Variants in CD109 observed in about 807,000 individuals in gnomAD.
CD109 encodes the protein CD109 molecule.
A neutral mutation model predicts 165.8 loss-of-function variants in CD109; 149 were observed. The ratio of observed to expected loss-of-function variants is 0.90; its 90% CI spans 0.79 to 1.03. The LOEUF (loss-of-function observed/expected upper bound fraction) is 1.03, where lower values mean the gene tolerates loss of function less well. Ranked by LOEUF, CD109 falls within the 50% of genes least tolerant of loss-of-function variation. CD109 has a pLI of 0.00. For synonymous variants in CD109, 585 were observed against 592.1 expected (o/e 0.99, Z 0.18); for missense variants, 1,712 against 1,677.8 (o/e 1.02, Z -0.36).
At chr6:73,786,421 G>T (rs1285751378) in intron 20 of CD109, among the ~76,000 whole-genome samples, 1 of 150,956 alleles carries the variant, frequency 6.6e-6, no homozygotes, top group African/African-American at 2.4e-5. Context: ...GCTTTTTATT[G>T]GCATATTTGG....
In CD109 at chr6:73,825,008, T is replaced by A. The variant is rs1169313581; in HGVS notation, c.*1375T>A. ...CATGGGCTCCAAAGAATTTGCTTTATGTTTTTAGCTATTTAAAAATAAATC... is the reference window on the plus strand; with the variant it reads ...CATGGGCTCCAAAGAATTTGCTTTAAGTTTTTAGCTATTTAAAAATAAATC... On this transcript the variant is annotated 3_prime_UTR_variant, in exon 33 of 33. Transcript: ENST00000287097. 6.6e-6 allele frequency: 1 copy of A among 152,244 alleles called. No individual in the cohort carries two copies. The highest frequency in any genetic ancestry group is 1.9e-4 in the East Asian group (1 of 5,204). The allele number at this position is 152,244 out of a possible 1,614,324, so 9.4% of individuals were successfully genotyped here. A position where few individuals can be genotyped will look rare whatever the true frequency, so the allele number is the denominator to read the frequency against.
intron 32 of CD109, among the ~76,000 whole-genome samples, chr6:73,821,516 G>A (rs1057138373): frequency 2.6e-5 from 4 of 152,126 alleles, no homozygotes; most frequent in Admixed American, 6.5e-5. Flanking sequence ...TGTGGTAGAT[G>A]TACATCATGG....
intron 25 of CD109, 139 bp downstream of exon 25, chr6:73,807,211 CTTTGCA>C (rs1431983231): frequency 3.1e-6 from 2 of 655,132 alleles, no homozygotes; most frequent in African/African-American, 3.6e-5. Flanking sequence ...TACTCTTTTG[CTTTGCA>C]TTTGTGGCCA....
chr6:73,715,558 C>T (rs1771705938), intron 2 of CD109, among the ~76,000 whole-genome samples: 1 of 139,990 alleles, frequency 7.1e-6, no homozygotes, highest in African/African-American at 2.8e-5. Context: ...GAGTGAGACC[C>T]TGTCTCCAAA....
At chr6:73,707,415 A>G (rs1448680309) in intron 2 of CD109, among the ~76,000 whole-genome samples, 14 of 152,134 alleles carry the variant, frequency 9.2e-5, no homozygotes, top group Admixed American at 9.2e-4. Context: ...AGTAAGCTAC[A>G]GAGGAGGAAC....
intron 3 of CD109, among the ~76,000 whole-genome samples, chr6:73,725,485 A>G (rs1270619667): frequency 1.4e-5 from 2 of 142,114 alleles, no homozygotes; most frequent in Non-Finnish European, 3.0e-5. Flanking sequence ...TATTAACTAG[A>G]AATTTGTCTA....
Position 73,807,215 on chromosome 6 carries a change from G to A in CD109, c.3189+143G>A, listed in dbSNP as rs564410464. On this transcript the variant is annotated intron_variant, in intron 25 of 32. Coordinates refer to ENST00000287097, the MANE Select transcript of CD109 (RefSeq NM_133493.5). The stretch of plus-strand genomic sequence containing the variant: ...CTGAATTTGAGTACTCTTTTGCTTT[G>A]CATTTGTGGCCATGTTCCAAAATCT... 1.6e-5 allele frequency: 10 copies of A among 637,798 alleles called. No homozygotes were observed. The African/African-American group carries it at 1.6e-4, about 11-fold the overall frequency. The allele number at this position is 637,798 out of a possible 1,614,324, so 39.5% of individuals were successfully genotyped here.
In CD109 at chr6:73,820,508, T is replaced by C; in HGVS notation, c.4107T>C (p.Phe1369=). 2.5e-6 allele frequency: 4 copies of C among 1,612,836 alleles called. No individual in the cohort carries two copies. Among genetic ancestry groups the C allele is most frequent in the Non-Finnish European group, 3.4e-6 (4 of 1,179,210 alleles). ...TTAATATTCCTGCTGTGAGAAACTTTAAAGTTTCAAATACCCAAGATGCTT... is the reference window on the plus strand; with the variant it reads ...TTAATATTCCTGCTGTGAGAAACTTCAAAGTTTCAAATACCCAAGATGCTT... ...FCVNIPAVRN[F]KVSNTQDASV... Residue 1369 remains phenylalanine (F), a synonymous_variant, in exon 32 of 33, where the codon TTT becomes TTC. Coordinates refer to ENST00000287097, the MANE Select transcript of CD109 (RefSeq NM_133493.5).
intron 27 of CD109, 109 bp from the exon 28 acceptor site, chr6:73,810,883 C>T: frequency 1.9e-6 from 2 of 1,062,868 alleles, no homozygotes; most frequent in South Asian, 3.3e-5. Context: ...GGGAGCATTC[C>T]ACTCTGAAGG....
At chr6:73,818,144 G>T (rs760877068) in intron 30 of CD109, among the ~76,000 whole-genome samples, 20 of 152,182 alleles carry the variant, frequency 1.3e-4, no homozygotes, top group Non-Finnish European at 2.6e-4. Flanking sequence ...TGCAGGCATT[G>T]CATACTATCT....
chr6:73,814,881 G>C (rs1775880963), intron 29 of CD109, 100 bp from the exon 30 acceptor site: 1 of 699,352 alleles, frequency 1.4e-6, no homozygotes, highest in South Asian at 5.0e-5. Flanking sequence ...AATCTTACTG[G>C]GTCCATCCAA....
intron 5 of CD109, among the ~76,000 whole-genome samples, chr6:73,739,010 G>A (rs1225192567): frequency 6.6e-6 from 1 of 152,130 alleles, no homozygotes; most frequent in Non-Finnish European, 1.5e-5. Flanking sequence ...TGTAAAGCTG[G>A]TGACCTTCTG....
At chr6:73,703,160 T>TTG (rs1192821815) in intron 2 of CD109, among the ~76,000 whole-genome samples, 1 of 152,228 alleles carries the variant, frequency 6.6e-6, no homozygotes, top group Admixed American at 6.5e-5. Flanking sequence ...TTGAAGTTAG[T>TTG]TGTATCTGAG....
At chr6:73,751,805 G>A (rs576920566) in intron 5 of CD109, among the ~76,000 whole-genome samples, 1 of 152,280 alleles carries the variant, frequency 6.6e-6, no homozygotes, top group African/African-American at 2.4e-5. Flanking sequence ...CTAGCTCATC[G>A]AAAGCTCTCT....
intron 32 of CD109, among the ~76,000 whole-genome samples, chr6:73,821,831 T>C (rs1309404201): frequency 6.6e-6 from 1 of 152,140 alleles, no homozygotes; most frequent in Admixed American, 6.5e-5. Context: ...TCACATAATA[T>C]ACCCTTGTAA....
chr6:73,756,733 G>A, intron 6 of CD109, 51 bp downstream of exon 6: 1 of 1,269,980 alleles, frequency 7.9e-7, no homozygotes, highest in South Asian at 1.5e-5. Context: ...GTTACTTTCA[G>A]CAGAGATTAG....
rs750803840 is a variant in CD109 at position 73,812,241 on chromosome 6, G to A, written c.3739G>A (p.Ala1247Thr). The change falls in exon 29 of 33, where the codon GCA becomes ACA. Residue 1247 changes from alanine to threonine, a missense_variant. Transcript: ENST00000287097. ...VVQPTAVNIS[A>T]NGFGFAICQL... ...ACAGCCAACGGCAGTTAATATTTCCGCAAATGGTTTTGGATTTGCTATTTG... is the reference window on the plus strand; with the variant it reads ...ACAGCCAACGGCAGTTAATATTTCCACAAATGGTTTTGGATTTGCTATTTG... 1.2e-5 allele frequency: 20 copies of A among 1,608,980 alleles called. 1 individual carries two copies. Among genetic ancestry groups the A allele is most frequent in the Middle Eastern group, 3.3e-4 (2 of 6,068 alleles).
chr6:73,782,757 T>C lies in CD109; in HGVS notation c.2105+2T>C, dbSNP rs750887769. 3 of 1,612,902 alleles carry C rather than the reference T, an allele frequency of 1.9e-6. No homozygotes were observed. The highest frequency in any genetic ancestry group is 2.5e-6 in the Non-Finnish European group (3 of 1,179,452). On this transcript the variant is annotated splice_donor_variant, in intron 18 of 32. Coordinates refer to ENST00000287097, the MANE Select transcript of CD109 (RefSeq NM_133493.5). LOFTEE classifies it high-confidence loss of function. ...GATTTGGCTAGACACCAACATGGGG[T>C]AAAAATTTATAAAGTTCTTTGCCCA...
chr6:73,709,551 G>A (rs1048107611), intron 2 of CD109, among the ~76,000 whole-genome samples: 15 of 152,172 alleles, frequency 9.9e-5, no homozygotes, highest in African/African-American at 3.4e-4. Context: ...GTCATTGGTA[G>A]CTTGATGGGG....
Sources: allele counts gnomAD v4.1 joint callset (sites outside exome capture counted in the v4.1 genomes callset), GRCh38; gene constraint gnomAD v4.1.1; transcripts MANE v1.5; gene names NCBI Gene and HGNC (gene_info 2026-07-23, HGNC 2026-07-21).